GRK4: variants seen among roughly 807,000 people sequenced by gnomAD.
The protein encoded by GRK4 is G protein-coupled receptor kinase 4.
A neutral mutation model predicts 77.9 loss-of-function variants in GRK4; 73 were observed. That is an observed-to-expected ratio of 0.94 (90% CI 0.78 to 1.14). GRK4 has a LOEUF of 1.14. Ranked by LOEUF, GRK4 falls within the 50% of genes most tolerant of loss-of-function variation. The pLI is 0.00. For missense variants in GRK4, 729 were observed against 700.2 expected (o/e 1.04, Z -0.46); for synonymous variants, 257 against 254.4 (o/e 1.01, Z -0.10).
chr4:2,986,991 T>C, intron 2 of GRK4: 1 of 347,746 alleles, frequency 2.9e-6, no homozygotes, highest in Non-Finnish European at 5.6e-6. Flanking sequence ...ACTTATCCAT[T>C]TAAAGTATAT....
chr4:3,027,696 C>A (rs1737951595), intron 10 of GRK4, among the ~76,000 whole-genome samples: 1 of 152,086 alleles, frequency 6.6e-6, no homozygotes, highest in Non-Finnish European at 1.5e-5. Flanking sequence ...AATAGCCAGG[C>A]AAAAATCGAA....
At chr4:2,969,654 G>A (rs971712244) in intron 1 of GRK4, among the ~76,000 whole-genome samples, 1 of 150,802 alleles carries the variant, frequency 6.6e-6, no homozygotes, top group Middle Eastern at 3.4e-3. Flanking sequence ...AGGATTTACA[G>A]GCGTGAGCCA....
chr4:2,966,565 G>T (rs1269126238), intron 1 of GRK4: 1 of 152,206 alleles, frequency 6.6e-6, no homozygotes, highest in African/African-American at 2.4e-5. Flanking sequence ...AATGGTTAGA[G>T]AAGTTGAATA....
chr4:2,993,628 C>T (rs560481190), intron 4 of GRK4, among the ~76,000 whole-genome samples: 129 of 152,250 alleles, frequency 8.5e-4, no homozygotes, highest in Middle Eastern at 3.4e-3. Flanking sequence ...GAGCTGAGAT[C>T]GTGCCACAGC....
chr4:3,023,474 G>A (rs986288156), intron 10 of GRK4, among the ~76,000 whole-genome samples: 6 of 152,180 alleles, frequency 3.9e-5, no homozygotes, highest in East Asian at 3.8e-4. Flanking sequence ...GAGGGCAGTC[G>A]TGGGGGACTT....
At chr4:2,964,190 C>T in intron 1 of GRK4, 68 bp downstream of exon 1, 1 of 1,325,816 alleles carries the variant, frequency 7.5e-7, no homozygotes, top group Admixed American at 2.0e-5. Context: ...ACCCTGGCCC[C>T]CCTGAAGGAA....
chr4:2,987,574 T>C (rs1368213172), intron 2 of GRK4, among the ~76,000 whole-genome samples: 1 of 152,242 alleles, frequency 6.6e-6, no homozygotes, highest in African/African-American at 2.4e-5. Flanking sequence ...GTGTGAATAG[T>C]GTTGCTGGGA....
chr4:2,964,546 TCTGG>T (rs1560325268), intron 1 of GRK4, among the ~76,000 whole-genome samples: 1 of 152,190 alleles, frequency 6.6e-6, no homozygotes, highest in Admixed American at 6.5e-5. Flanking sequence ...TGGGAACTAC[TCTGG>T]GCGAGAACCT....
Position 2,963,572 on chromosome 4 carries a change from T to G in GRK4, c.-499T>G. The G allele has an allele frequency of 2.1e-6, 1 of 470,428 alleles. No individual in the cohort carries two copies. The highest frequency in any genetic ancestry group is 3.7e-6 in the Non-Finnish European group (1 of 271,260). 29.1% of individuals were successfully genotyped at this position (470,428 alleles called of 1,614,324 possible). On this transcript the variant is annotated 5_prime_UTR_variant, in exon 1 of 16. Transcript: ENST00000398052. ...TTGGCGCAGGGCCTTCTGGGAGCTG[T>G]AGTGCCCCGGCCGCGGCGGCGAGGG...
At chr4:3,030,631 C>T (rs2110058486) in intron 12 of GRK4, among the ~76,000 whole-genome samples, 1 of 150,826 alleles carries the variant, frequency 6.6e-6, no homozygotes, top group South Asian at 2.1e-4. Flanking sequence ...CCTGGAGGGG[C>T]GGCAGGCTCT....
Position 2,963,611 on chromosome 4 carries a change from A to T in GRK4, c.-460A>T, listed in dbSNP as rs1399421891. 3 of 424,708 alleles carry T rather than the reference A, an allele frequency of 7.1e-6. No individual in the cohort carries two copies. The highest frequency in any genetic ancestry group is 9.2e-5 in the South Asian group (2 of 21,648). The allele number at this position is 424,708 out of a possible 1,614,324, so 26.3% of individuals were successfully genotyped here. A position where few individuals can be genotyped will look rare whatever the true frequency, so the allele number is the denominator to read the frequency against. ...CGGCGGCGAGGGGCGCTCCCTCTTC[A>T]GCTAAGCCGTTAGCGCCGAGCCCGC... On this transcript the variant is annotated 5_prime_UTR_variant, in exon 1 of 16. Coordinates refer to ENST00000398052, the MANE Select transcript of GRK4 (RefSeq NM_182982.3).
chr4:2,976,257 G>T (rs1577981693), intron 1 of GRK4, among the ~76,000 whole-genome samples: 1 of 149,116 alleles, frequency 6.7e-6, no homozygotes, highest in African/African-American at 2.5e-5. Context: ...CTCTTTCACA[G>T]GCTCTTGTCT....
In GRK4 at chr4:3,005,397, C is replaced by T. The variant is rs561224026; in HGVS notation, c.443+1063C>T. Among the ~76,000 whole-genome samples the T allele has an allele frequency of 1.9e-4, 29 of 151,996 alleles. 1 individual carries two copies. Among genetic ancestry groups the T allele is most frequent in the African/African-American group, 2.9e-4 (12 of 41,476 alleles). ...AGATGGGGTCCAGGAGATGAGCCGG[C>T]GAGGCCGTTGCAGCTCACATGTGGC... On this transcript the variant is annotated intron_variant, in intron 5 of 15. Transcript: ENST00000398052.
intron 5 of GRK4, 44 bp from the exon 6 acceptor site, chr4:3,007,692 C>A: frequency 8.0e-7 from 1 of 1,253,242 alleles, no homozygotes; most frequent in Non-Finnish European, 1.1e-6. Flanking sequence ...GTTTTTATTT[C>A]TTAATACAAC....
chr4:2,963,963 AG>A lies in GRK4; in HGVS notation c.-105del. ...GGGATCGTGTCCGGAGCTCGAGGAG[AG>A]GGTGGTGCCCGGCGAGCTATGCACG... On this transcript the variant is annotated 5_prime_UTR_variant, in exon 1 of 16. Transcript: ENST00000398052. The A allele has an allele frequency of 1.0e-6, 1 of 981,342 alleles. No individual in the cohort carries two copies. The highest frequency in any genetic ancestry group is 1.4e-5 in the South Asian group (1 of 72,892). The allele number at this position is 981,342 out of a possible 1,614,324, so 60.8% of individuals were successfully genotyped here.
intron 1 of GRK4, among the ~76,000 whole-genome samples, chr4:2,980,306 G>A (rs1722515091): frequency 6.6e-6 from 1 of 152,128 alleles, no homozygotes; most frequent in Non-Finnish European, 1.5e-5. Context: ...GCAGCAGCCA[G>A]GATGAAGAGG....
At position 3,031,456 on chromosome 4, in the gene GRK4, G is replaced by A. The variant is rs183486947; in HGVS notation, c.1269+2047G>A. Among the ~76,000 whole-genome samples, 397 of 152,268 alleles carry A rather than the reference G, an allele frequency of 2.6e-3. 3 individuals carry two copies. The highest frequency in any genetic ancestry group is 4.0e-3 in the Non-Finnish European group (273 of 68,022). On this transcript the variant is annotated intron_variant, in intron 12 of 15. Transcript: ENST00000398052. ...TGGGCTTCTGCCACACCTGGACGGT[G>A]CAGGCTCAGAGCCAGCAGGGAGCTG...
Position 2,980,896 on chromosome 4 carries a change from C to T in GRK4, c.53-3617C>T, listed in dbSNP as rs112825243. ...TTTCACTACTGGTCCAGATCCCATG[C>T]CTGCCAAGGGCAAGCCAGGTGCAGA... On this transcript the variant is annotated intron_variant, in intron 1 of 15. Coordinates refer to ENST00000398052, the MANE Select transcript of GRK4 (RefSeq NM_182982.3). Among the ~76,000 whole-genome samples the T allele has an allele frequency of 6.0e-4, 92 of 152,368 alleles. 1 individual carries two copies. The highest frequency in any genetic ancestry group is 1.9e-3 in the African/African-American group (81 of 41,596).
At chr4:3,002,823 C>CA (rs1396958134) in intron 4 of GRK4, among the ~76,000 whole-genome samples, 1 of 152,032 alleles carries the variant, frequency 6.6e-6, no homozygotes, top group East Asian at 1.9e-4. Context: ...TTTCTGTCTC[C>CA]AAAAAAACCA....
Sources: allele counts gnomAD v4.1 joint callset (sites outside exome capture counted in the v4.1 genomes callset), GRCh38; gene constraint gnomAD v4.1.1; transcripts MANE v1.5; gene names NCBI Gene and HGNC (gene_info 2026-07-23, HGNC 2026-07-21).